Variants in MDGA2 observed in about 807,000 individuals in gnomAD.
MDGA2 encodes MAM domain-containing glycosylphosphatidylinositol anchor protein 2.
MDGA2 carries 40 observed loss-of-function variants against 117.8 expected under a neutral mutation model. The ratio of observed to expected loss-of-function variants is 0.34; its 90% CI spans 0.26 to 0.44. The LOEUF is 0.44. Among genes scored for constraint, MDGA2 ranks in the 20% least tolerant of loss-of-function variants. The probability of loss-of-function intolerance (pLI) is 1.00; values close to 1 mark genes in which losing one functional copy is unlikely to be tolerated. For synonymous variants in MDGA2, 452 were observed against 439.0 expected (o/e 1.03, Z -0.37); for missense variants, 1,123 against 1,250.6 (o/e 0.90, Z 1.54).
intron 2 of MDGA2, among the ~76,000 whole-genome samples, chr14:47,283,252 C>A (rs945110803): frequency 6.6e-6 from 1 of 152,018 alleles, no homozygotes. Flanking sequence ...CAAAAGTTCA[C>A]AAAGAATGAA....
chr14:47,369,744 A>AT (rs1891304933), intron 1 of MDGA2, among the ~76,000 whole-genome samples: 2 of 152,128 alleles, frequency 1.3e-5, no homozygotes, highest in East Asian at 1.9e-4. Context: ...TAACTTTTTT[A>AT]GATTAATCAT....
At chr14:46,985,117 T>G (rs1206212744) in intron 8 of MDGA2, among the ~76,000 whole-genome samples, 1 of 152,082 alleles carries the variant, frequency 6.6e-6, no homozygotes, top group African/African-American at 2.4e-5. Context: ...CTTCAGTTAC[T>G]AGGACCAAAC....
chr14:47,083,624 A>C (rs1488837404), intron 6 of MDGA2, among the ~76,000 whole-genome samples: 1 of 152,076 alleles, frequency 6.6e-6, no homozygotes, highest in Admixed American at 6.6e-5. Flanking sequence ...AAATACACCA[A>C]TTGAAACAAG....
At chr14:47,003,248 A>T (rs908673592) in intron 8 of MDGA2, among the ~76,000 whole-genome samples, 2 of 151,970 alleles carry the variant, frequency 1.3e-5, no homozygotes, top group African/African-American at 4.8e-5. Context: ...GACTATCACA[A>T]CCAAAGATGC....
intron 15 of MDGA2, among the ~76,000 whole-genome samples, chr14:46,851,361 T>TA (rs1489673806): frequency 9.9e-5 from 15 of 151,886 alleles, no homozygotes; most frequent in Admixed American, 2.0e-4. Flanking sequence ...TATAAGAATA[T>TA]ATCCATTTTG....
intron 2 of MDGA2, among the ~76,000 whole-genome samples, chr14:47,262,187 G>T (rs1887819642): frequency 6.6e-6 from 1 of 152,140 alleles, no homozygotes; most frequent in Non-Finnish European, 1.5e-5. Context: ...TGAACAAATG[G>T]ATTCACCTAT....
chr14:47,545,682 G>A (rs992957749), intron 1 of MDGA2, among the ~76,000 whole-genome samples: 10 of 152,052 alleles, frequency 6.6e-5, no homozygotes, highest in East Asian at 1.9e-4. Context: ...TTAAGAAATC[G>A]TCATGGTCAA....
chr14:47,596,790 T>G (rs551828061), intron 1 of MDGA2, among the ~76,000 whole-genome samples: 1 of 152,322 alleles, frequency 6.6e-6, no homozygotes, highest in Non-Finnish European at 1.5e-5. Context: ...AGGTTAGTAT[T>G]TTGTTATTCC....
intron 2 of MDGA2, among the ~76,000 whole-genome samples, chr14:47,284,520 C>T (rs983724244): frequency 5.9e-5 from 9 of 152,020 alleles, no homozygotes; most frequent in Admixed American, 5.2e-4. Flanking sequence ...GTACCCCAGC[C>T]GAAAGTTTTT....
chr14:46,873,523 C>T lies in MDGA2; in HGVS notation c.2662G>A (p.Val888Ile), dbSNP rs1882099735. 4 of 1,612,592 alleles carry T rather than the reference C, an allele frequency of 2.5e-6. No individual in the cohort carries two copies. Among genetic ancestry groups the T allele is most frequent in the Non-Finnish European group, 3.4e-6 (4 of 1,179,074 alleles). The change falls in exon 14 of 17, where the codon GTT (valine) becomes ATT (isoleucine). Residue 888 changes from valine (V) to isoleucine (I), a missense_variant. Around this residue, in one of 2 missense-constraint regions of MDGA2, gnomAD observed 890 missense variants for 1,050.3 expected, o/e 0.85. Coordinates refer to ENST00000399232, the MANE Select transcript of MDGA2 (RefSeq NM_001113498.3). The part of the protein sequence containing the change: ...EGEKARLLSP[V>I]FSIAPKNPYG... ...GGGTTTTTGGGAGCTATGCTGAAAA[C>T]AGGGCTGAGAAGTCGAGCCTTTTCG...
At chr14:47,251,697 C>A (rs2139643746) in intron 2 of MDGA2, among the ~76,000 whole-genome samples, 1 of 152,230 alleles carries the variant, frequency 6.6e-6, no homozygotes, top group Middle Eastern at 3.4e-3. Flanking sequence ...AAATCATTCA[C>A]ACTCACACTT....
At chr14:47,163,986 T>C (rs1314784258) in intron 3 of MDGA2, among the ~76,000 whole-genome samples, 1 of 152,198 alleles carries the variant, frequency 6.6e-6, no homozygotes, top group Non-Finnish European at 1.5e-5. Flanking sequence ...CTTCTCCATG[T>C]CATCTAGCTC....
At chr14:47,090,514 C>A (rs1238091776) in intron 6 of MDGA2, among the ~76,000 whole-genome samples, 3 of 152,092 alleles carry the variant, frequency 2.0e-5, no homozygotes, top group African/African-American at 7.2e-5. Context: ...AAATGGGTAT[C>A]AAGGCGTCAT....
chr14:47,474,921 G>C (rs1459990261), intron 1 of MDGA2, among the ~76,000 whole-genome samples: 3 of 152,088 alleles, frequency 2.0e-5, no homozygotes, highest in African/African-American at 7.2e-5. Context: ...CTTAGGCGTG[G>C]GTGAAGATTT....
chr14:47,257,776 G>A (rs989464612), intron 2 of MDGA2, among the ~76,000 whole-genome samples: 4 of 152,172 alleles, frequency 2.6e-5, no homozygotes, highest in African/African-American at 9.7e-5. Context: ...GCCTCAGAAA[G>A]AGAACCTGAA....
chr14:47,151,057 C>G (rs984899361), intron 3 of MDGA2, among the ~76,000 whole-genome samples: 4 of 152,120 alleles, frequency 2.6e-5, no homozygotes, highest in African/African-American at 9.7e-5. Flanking sequence ...CCTCAGATCA[C>G]CTAGAATGGG....
chr14:47,209,515 T>C (rs374856402), intron 3 of MDGA2, among the ~76,000 whole-genome samples: 127 of 152,286 alleles, frequency 8.3e-4, no homozygotes, highest in African/African-American at 2.8e-3. Context: ...TGTGAATGCA[T>C]CTTAAGAGGG....
At chr14:47,379,582 A>T (rs547708399) in intron 1 of MDGA2, among the ~76,000 whole-genome samples, 1 of 152,328 alleles carries the variant, frequency 6.6e-6, no homozygotes, top group East Asian at 1.9e-4. Context: ...CTAGTCTCGG[A>T]TAAAACAGAC....
At chr14:47,611,359 G>C (rs1231844278) in intron 1 of MDGA2, among the ~76,000 whole-genome samples, 1 of 151,966 alleles carries the variant, frequency 6.6e-6, no homozygotes, top group Non-Finnish European at 1.5e-5. Flanking sequence ...TAAATAGCTG[G>C]GACTTAATTA....
Sources: gnomAD v4.1 joint callset for allele counts (sites outside exome capture counted in the v4.1 genomes callset) on GRCh38, gnomAD v4.1.1 for gene constraint, gnomAD v4.1.1 regional missense constraint, MANE v1.5 for transcripts, NCBI Gene and HGNC (gene_info 2026-07-23, HGNC 2026-07-21) for gene names.